The following MASP1 variants were observed in gnomAD, a reference collection of about 807,000 sequenced individuals.
MASP1 encodes the protein MBL associated serine protease 1.
Under a neutral mutation model 77.1 loss-of-function variants are expected in MASP1, and 59 were observed. The observed-to-expected ratio is 0.77, with a 90% CI of 0.62 to 0.95. The LOEUF is 0.95. Among genes scored for constraint, MASP1 ranks in the 40% least tolerant of loss-of-function variants. MASP1 has a pLI of 0.00. For missense variants in MASP1, 885 were observed against 912.9 expected (o/e 0.97, Z 0.39); for synonymous variants, 362 against 354.5 (o/e 1.02, Z -0.24).
At chr3:187,246,098 C>G (rs1389886057) in intron 8 of MASP1, among the ~76,000 whole-genome samples, 1 of 152,198 alleles carries the variant, frequency 6.6e-6, no homozygotes, top group Non-Finnish European at 1.5e-5. Context: ...TGGTGCCATC[C>G]CTGCTGCACG....
chr3:187,258,716 G>A (rs767632743), intron 4 of MASP1, among the ~76,000 whole-genome samples: 4 of 152,230 alleles, frequency 2.6e-5, no homozygotes, highest in Non-Finnish European at 4.4e-5. Context: ...CAATCACAGA[G>A]TTTTGGCCAG....
In MASP1 at chr3:187,243,586, C is replaced by T. The variant is rs139378189; in HGVS notation, c.1126G>A (p.Gly376Arg). ...DCRAPGELEH[G>R]LITFSTRNNL... Reference sequence around the variant, plus strand: ...TTCCTTGTAGAGAAGGTGATCAGCCCGTGTTCCAGCTCTCCTGGGGCTCTA... The same window carrying T: ...TTCCTTGTAGAGAAGGTGATCAGCCTGTGTTCCAGCTCTCCTGGGGCTCTA... The change falls in exon 9 of 11, where the codon GGG (glycine) becomes AGG (arginine). Residue 376 changes from glycine (G) to arginine (R), a missense_variant. Transcript: ENST00000296280. The T allele has an allele frequency of 4.3e-6, 7 of 1,614,058 alleles. No homozygotes were observed. The highest frequency in any genetic ancestry group is 1.7e-5 in the Admixed American group (1 of 59,998).
chr3:187,253,825 C>A (rs553407534), intron 5 of MASP1, among the ~76,000 whole-genome samples: 2 of 152,002 alleles, frequency 1.3e-5, no homozygotes, highest in South Asian at 4.2e-4. Flanking sequence ...AGATCACACA[C>A]CAGGGCCTGT....
intron 2 of MASP1, among the ~76,000 whole-genome samples, chr3:187,269,598 C>T (rs1158475505): frequency 6.6e-6 from 1 of 152,192 alleles, no homozygotes; most frequent in South Asian, 2.1e-4. Flanking sequence ...TGGGGATCCA[C>T]TCTCACCCCT....
At chr3:187,220,763 G>A (rs1025575713) in intron 15 of MASP1, among the ~76,000 whole-genome samples, 2 of 152,272 alleles carry the variant, frequency 1.3e-5, no homozygotes, top group South Asian at 2.1e-4. Context: ...CTCCCAAAGT[G>A]CTGGGATTAC....
At chr3:187,271,195 C>T (rs1408585247) in intron 2 of MASP1, among the ~76,000 whole-genome samples, 4 of 152,170 alleles carry the variant, frequency 2.6e-5, no homozygotes, top group African/African-American at 7.2e-5. Context: ...ATCATACCAC[C>T]TTTTCACTAT....
rs1034291363 is a variant in MASP1 at position 187,217,692 on chromosome 3, T to A, written c.*2379A>T. 6 of 152,274 alleles carry A rather than the reference T, an allele frequency of 3.9e-5. 1 individual carries two copies. Among genetic ancestry groups the A allele is most frequent in the African/African-American group, 1.4e-4 (6 of 41,556 alleles). The allele number at this position is 152,274 out of a possible 1,614,324, so 9.4% of individuals were successfully genotyped here. A position where few individuals can be genotyped will look rare whatever the true frequency, so the allele number is the denominator to read the frequency against. On this transcript the variant is annotated 3_prime_UTR_variant, in exon 16 of 16. Transcript: ENST00000337774. ...TCTGCTTCTATGGCTCTGTGAGAGA[T>A]CTGGGTTTCTTGGACCTTAGCAGCA...
At chr3:187,228,647 T>C (rs1243558383) in intron 11 of MASP1, among the ~76,000 whole-genome samples, 1 of 152,156 alleles carries the variant, frequency 6.6e-6, no homozygotes, top group African/African-American at 2.4e-5. Context: ...CATTGTTGTC[T>C]TTCTAATTCT....
At chr3:187,264,138 T>G (rs962791252) in intron 2 of MASP1, among the ~76,000 whole-genome samples, 3 of 152,226 alleles carry the variant, frequency 2.0e-5, no homozygotes, top group African/African-American at 7.2e-5. Context: ...GACACTCCTG[T>G]TTTGAAACTA....
intron 1 of MASP1, among the ~76,000 whole-genome samples, chr3:187,289,082 C>T (rs1056606018): frequency 6.6e-6 from 1 of 152,086 alleles, no homozygotes; most frequent in Non-Finnish European, 1.5e-5. Context: ...CTGTATAGTT[C>T]CCAACACCTG....
chr3:187,273,527 G>GTT (rs1716701314), intron 2 of MASP1, among the ~76,000 whole-genome samples: 1 of 152,210 alleles, frequency 6.6e-6, no homozygotes, highest in Non-Finnish European at 1.5e-5. Context: ...GTAGGCCAAT[G>GTT]ATTCACCGAC....
rs528965103 is a variant in MASP1 at position 187,252,060 on chromosome 3, T to G, written c.893-308A>C. ...CTTGTCTGATGCTTCTCTTAAAATA[T>G]CCTCCGCAGTAGATGCCAAACAGAC... On this transcript the variant is annotated intron_variant, in intron 6 of 10. Coordinates refer to ENST00000296280, the MANE Select transcript of MASP1 (RefSeq NM_139125.4). 6.6e-4 allele frequency among the ~76,000 whole-genome samples: 100 copies of G among 152,294 alleles called. 1 individual carries two copies. Among genetic ancestry groups the G allele is most frequent in the African/African-American group, 2.4e-3 (98 of 41,552 alleles).
chr3:187,253,374 G>A, intron 5 of MASP1, 59 bp from the exon 6 acceptor site: 1 of 1,575,728 alleles, frequency 6.3e-7, no homozygotes, highest in Admixed American at 1.7e-5. Context: ...AGCCAAAATG[G>A]CCACTGCAGG....
chr3:187,229,531 C>A (rs539707597), downstream of MASP1, among the ~76,000 whole-genome samples: 17 of 152,288 alleles, frequency 1.1e-4, no homozygotes, highest in Middle Eastern at 3.4e-3. Context: ...CATGCCCTGT[C>A]TTTGACCTCC....
intron 1 of MASP1, among the ~76,000 whole-genome samples, chr3:187,287,980 G>C (rs554770747): frequency 5.9e-5 from 9 of 152,266 alleles, no homozygotes; most frequent in African/African-American, 2.2e-4. Context: ...ATGTCTGAAA[G>C]GATATACACC....
rs374850715 is a variant in MASP1, at chr3:187,251,719, T to G, written c.926A>C (p.His309Pro). Reference protein sequence around the residue: ...NECPELQPPVHGKIEPSQAKY... With the variant: ...NECPELQPPVPGKIEPSQAKY... ...GGCTTGGGAGGGCTCGATTTTCCCA[T>G]GGACAGGAGGCTGTAGCTCTGGGCA... Residue 309 changes from histidine (H) to proline (P), a missense_variant, in exon 7 of 11, where the codon CAT (histidine) becomes CCT (proline). Coordinates refer to ENST00000296280, the MANE Select transcript of MASP1 (RefSeq NM_139125.4). The G allele has an allele frequency of 6.2e-7, 1 of 1,613,962 alleles. No individual in the cohort carries two copies. Among genetic ancestry groups the G allele is most frequent in the Non-Finnish European group, 8.5e-7 (1 of 1,179,980 alleles).
At chr3:187,257,932 G>A (rs114400422) in intron 4 of MASP1, among the ~76,000 whole-genome samples, 29 of 152,190 alleles carry the variant, frequency 1.9e-4, no homozygotes, top group African/African-American at 6.5e-4. Context: ...CTGCAGTTTG[G>A]ACACAACAAC....
At chr3:187,263,021 T>C (rs1438801664) in intron 2 of MASP1, 1 of 358,732 alleles carries the variant, frequency 2.8e-6, no homozygotes, top group Non-Finnish European at 5.2e-6. Flanking sequence ...TTTTAAAAAG[T>C]TAGATAACCT....
At chr3:187,251,913 C>T (rs557071624) in intron 6 of MASP1, among the ~76,000 whole-genome samples, 161 bp from the exon 7 acceptor site, 1 of 152,162 alleles carries the variant, frequency 6.6e-6, no homozygotes, top group South Asian at 2.1e-4. Flanking sequence ...ATTCTGGAAC[C>T]GTGAATAGGG....
Sources: gnomAD v4.1 joint callset for allele counts (sites outside exome capture counted in the v4.1 genomes callset) on GRCh38, gnomAD v4.1.1 for gene constraint, MANE v1.5 for transcripts, NCBI Gene and HGNC (gene_info 2026-07-23, HGNC 2026-07-21) for gene names.